Variants in KCNH5 observed in about 807,000 individuals in gnomAD.
KCNH5 encodes the protein voltage-gated delayed rectifier potassium channel KCNH5.
In KCNH5, 46 loss-of-function variants were observed where a neutral mutation model predicts 96.1. The observed-to-expected ratio is 0.48, with a 90% CI of 0.38 to 0.61. The LOEUF (loss-of-function observed/expected upper bound fraction) is 0.61. Among genes scored for constraint, KCNH5 ranks in the 20% least tolerant of loss-of-function variants. The probability of loss-of-function intolerance (pLI) is 0.00; values close to 1 mark genes in which losing one functional copy is unlikely to be tolerated. For synonymous variants in KCNH5, 439 were observed against 449.8 expected (o/e 0.98, Z 0.30); for missense variants, 907 against 1,225.8 (o/e 0.74, Z 3.88).
chr14:62,745,256 G>A (rs1474640068), intron 10 of KCNH5, among the ~76,000 whole-genome samples: 1 of 152,098 alleles, frequency 6.6e-6, no homozygotes, highest in Non-Finnish European at 1.5e-5. Flanking sequence ...ATCTCTGAAA[G>A]TCATTAGACC....
At chr14:62,956,203 A>G (rs992250089) in intron 6 of KCNH5, among the ~76,000 whole-genome samples, 4 of 152,118 alleles carry the variant, frequency 2.6e-5, no homozygotes, top group African/African-American at 9.7e-5. Flanking sequence ...CAATCAAACC[A>G]AACTCCTTTT....
At chr14:63,008,632 T>C (rs1333299403) in intron 2 of KCNH5, among the ~76,000 whole-genome samples, 1 of 151,932 alleles carries the variant, frequency 6.6e-6, no homozygotes, top group Non-Finnish European at 1.5e-5. Flanking sequence ...TTAATTGTCA[T>C]TAAAATAATA....
intron 7 of KCNH5, among the ~76,000 whole-genome samples, chr14:62,871,912 T>C (rs1888263617): frequency 1.3e-5 from 2 of 152,160 alleles, no homozygotes; most frequent in African/African-American, 2.4e-5. Context: ...ATTGTTTGTG[T>C]TCAGTGGCAT....
intron 7 of KCNH5, among the ~76,000 whole-genome samples, chr14:62,917,065 A>G (rs1283622856): frequency 6.6e-6 from 1 of 152,234 alleles, no homozygotes; most frequent in African/African-American, 2.4e-5. Flanking sequence ...AAACTAACAT[A>G]AAAACTGCAA....
At chr14:63,007,660 G>C (rs189937276) in intron 2 of KCNH5, among the ~76,000 whole-genome samples, 14 of 152,158 alleles carry the variant, frequency 9.2e-5, no homozygotes, top group Middle Eastern at 3.4e-3. Flanking sequence ...TGGACCTTAT[G>C]TTCCCATACT....
At chr14:62,988,765 C>T (rs1237569481) in intron 4 of KCNH5, among the ~76,000 whole-genome samples, 1 of 152,044 alleles carries the variant, frequency 6.6e-6, no homozygotes, top group Admixed American at 6.6e-5. Flanking sequence ...AACCAACATG[C>T]AATCTCTATG....
Position 62,701,563 on chromosome 14 carries a change from A to C in KCNH5, c.*5945T>G, listed in dbSNP as rs1043708424. The stretch of plus-strand genomic sequence containing the variant: ...ACTATAAAAAGCTTTGGATGGTGTC[A>C]GTGGGGTCCTTCACAGTCATTATTT... On this transcript the variant is annotated 3_prime_UTR_variant, in exon 11 of 11. Coordinates refer to ENST00000322893, the MANE Select transcript of KCNH5 (RefSeq NM_139318.5). The C allele has an allele frequency of 6.6e-6, 1 of 152,174 alleles. No individual in the cohort carries two copies. Among genetic ancestry groups the C allele is most frequent in the African/African-American group, 2.4e-5 (1 of 41,458 alleles). The allele number at this position is 152,174 out of a possible 1,614,324, so 9.4% of individuals were successfully genotyped here.
chr14:62,849,687 G>A lies in KCNH5; in HGVS notation c.1535C>T (p.Thr512Ile). The A allele has an allele frequency of 1.2e-6, 2 of 1,613,770 alleles. No homozygotes were observed. Among genetic ancestry groups the A allele is most frequent in the Non-Finnish European group, 1.7e-6 (2 of 1,179,818 alleles). Residue 512 changes from threonine to isoleucine, a missense_variant, in exon 8 of 11, where the codon ACA becomes ATA. Transcript: ENST00000322893. ...SERVMDYIVS[T>I]WSMSKGIDTE... ...ATCAATGCCTTTTGACATGGACCAT[G>A]TTGAGACAATATAATCCATGACTCG...
At chr14:62,970,577 T>C (rs1330318426) in intron 6 of KCNH5, among the ~76,000 whole-genome samples, 1 of 152,130 alleles carries the variant, frequency 6.6e-6, no homozygotes, top group Admixed American at 6.5e-5. Flanking sequence ...GATGTAAAAA[T>C]TCTCAACAAA....
At chr14:62,780,594 A>G (rs930807882) in intron 9 of KCNH5, among the ~76,000 whole-genome samples, 1 of 152,216 alleles carries the variant, frequency 6.6e-6, no homozygotes, top group Non-Finnish European at 1.5e-5. Context: ...GTGCTATACT[A>G]TCATCAAATG....
intron 7 of KCNH5, among the ~76,000 whole-genome samples, chr14:62,932,368 C>A (rs1889596409): frequency 6.7e-6 from 1 of 149,736 alleles, no homozygotes; most frequent in Admixed American, 6.7e-5. Context: ...TTAACGTAGG[C>A]AAGCAGAAAC....
chr14:62,775,079 TA>T lies in KCNH5; in HGVS notation c.2019+4648del, dbSNP rs1566656520. Among the ~76,000 whole-genome samples, 3 of 152,346 alleles carry T rather than the reference TA, an allele frequency of 2.0e-5. No individual in the cohort carries two copies. In the South Asian group the frequency reaches 6.2e-4, roughly 32 times the overall value. ...CATAATTGTTAAATAGTAATGAGCA[TA>T]AATGGCATTTCAAGATATCTTTGGC... On this transcript the variant is annotated intron_variant, in intron 10 of 10. Coordinates refer to ENST00000322893, the MANE Select transcript of KCNH5 (RefSeq NM_139318.5).
chr14:62,836,988 G>A (rs1022898545), intron 8 of KCNH5, among the ~76,000 whole-genome samples: 1 of 152,122 alleles, frequency 6.6e-6, no homozygotes, highest in Non-Finnish European at 1.5e-5. Context: ...TTATTTTTCA[G>A]AATCTCCTTA....
chr14:62,990,241 G>A (rs963696254), intron 4 of KCNH5, among the ~76,000 whole-genome samples: 1 of 152,002 alleles, frequency 6.6e-6, no homozygotes, highest in Non-Finnish European at 1.5e-5. Flanking sequence ...AAATAAGTGT[G>A]AGAAAGGAGA....
chr14:62,979,913 T>C (rs1368513063), intron 6 of KCNH5, among the ~76,000 whole-genome samples: 2 of 152,240 alleles, frequency 1.3e-5, no homozygotes, highest in Non-Finnish European at 2.9e-5. Context: ...GGTTTGGCTC[T>C]GTGTCCCCAC....
intron 5 of KCNH5, among the ~76,000 whole-genome samples, chr14:62,982,327 C>CAA (rs33914097): frequency 7.1e-6 from 1 of 141,768 alleles, no homozygotes; most frequent in African/African-American, 2.6e-5. Flanking sequence ...GACTCCGTCT[C>CAA]AAAAAAAAAA....
intron 10 of KCNH5, among the ~76,000 whole-genome samples, chr14:62,722,332 T>C (rs1013995026): frequency 4.6e-5 from 7 of 152,180 alleles, no homozygotes; most frequent in Admixed American, 4.6e-4. Context: ...AGGGGAGTTA[T>C]ACTAAATACT....
At chr14:62,873,797 C>A (rs1464428782) in intron 7 of KCNH5, among the ~76,000 whole-genome samples, 1 of 152,118 alleles carries the variant, frequency 6.6e-6, no homozygotes, top group Admixed American at 6.5e-5. Context: ...AATCTACAAG[C>A]CTCAAGGGGT....
chr14:62,762,781 T>C (rs73271182), intron 10 of KCNH5, among the ~76,000 whole-genome samples: 3,662 of 147,242 alleles, frequency 0.025, 113 homozygotes, highest in East Asian at 0.099. Flanking sequence ...TCAAAAATAA[T>C]GAAAAAGAAA....
Sources: allele counts gnomAD v4.1 joint callset (sites outside exome capture counted in the v4.1 genomes callset), GRCh38; gene constraint gnomAD v4.1.1; transcripts MANE v1.5; gene names NCBI Gene and HGNC (gene_info 2026-07-23, HGNC 2026-07-21).